The following MTCL1 variants were observed in gnomAD, a reference collection of about 807,000 sequenced individuals.
MTCL1 encodes the protein microtubule cross-linking factor 1.
In MTCL1, 79 loss-of-function variants were observed where a neutral mutation model predicts 141.4. The observed-to-expected ratio is 0.56, with a 90% confidence interval of 0.47 to 0.67. MTCL1 has a LOEUF of 0.67. MTCL1 is among the 30% of genes least tolerant of loss of function. The probability of loss-of-function intolerance (pLI) is 0.00; values close to 1 mark genes in which losing one functional copy is unlikely to be tolerated. For missense variants in MTCL1, 2,177 were observed against 2,113.9 expected, an observed-to-expected ratio of 1.03 and a Z score of -0.59; for synonymous variants, 914 against 875.8, an observed-to-expected ratio of 1.04 and a Z score of -0.77.
intron 10 of MTCL1, among the ~76,000 whole-genome samples, chr18:8,798,550 T>C (rs2076005713): frequency 6.6e-6 from 1 of 152,222 alleles, no homozygotes; most frequent in East Asian, 1.9e-4. Flanking sequence ...GGCAGATCAA[T>C]GCTGCGTGTC....
chr18:8,709,359 A>G (rs1440183311), intron 1 of MTCL1, among the ~76,000 whole-genome samples: 1 of 151,934 alleles, frequency 6.6e-6, no homozygotes, highest in Non-Finnish European at 1.5e-5. Flanking sequence ...AGCTGGGCTA[A>G]TTTTTAAATT....
At chr18:8,751,388 G>T (rs2096370539) in intron 4 of MTCL1, among the ~76,000 whole-genome samples, 1 of 152,176 alleles carries the variant, frequency 6.6e-6, no homozygotes, top group Admixed American at 6.5e-5. Flanking sequence ...CGCGATGCTT[G>T]ATCTGTGCTT....
chr18:8,812,764 A>G (rs930720346), intron 11 of MTCL1: 84 of 545,602 alleles, frequency 1.5e-4, no homozygotes, highest in Admixed American at 2.0e-4. Flanking sequence ...GAAGCTGGCC[A>G]TGGGAAGCTC....
intron 4 of MTCL1, among the ~76,000 whole-genome samples, chr18:8,734,141 A>G (rs2148880547): frequency 6.6e-6 from 1 of 151,838 alleles, no homozygotes; most frequent in Admixed American, 6.6e-5. Flanking sequence ...CGTTGTGGGG[A>G]CTATCCTGTG....
chr18:8,829,260 T>C (rs1332559475), intron 16 of MTCL1: 4 of 985,230 alleles, frequency 4.1e-6, no homozygotes, highest in Non-Finnish European at 4.8e-6. Context: ...GAGAATTGAG[T>C]AGATACTGGC....
At chr18:8,714,639 C>T (rs190036040), upstream of MTCL1, among the ~76,000 whole-genome samples, 1 of 152,246 alleles carries the variant, frequency 6.6e-6, no homozygotes, top group African/African-American at 2.4e-5. Flanking sequence ...GAGACTTACT[C>T]ACTGTCACGA....
chr18:8,724,063 G>C lies in MTCL1; in HGVS notation c.357+3567G>C, dbSNP rs552870968. Reference sequence around the variant, plus strand: ...GGGTGATGAAAATGTTTTAGAGCGAGATAGAGGTGGTGGCTGCACAACACG... The same window carrying C: ...GGGTGATGAAAATGTTTTAGAGCGACATAGAGGTGGTGGCTGCACAACACG... On this transcript the variant is annotated intron_variant, in intron 4 of 16. Transcript: ENST00000359865. 2.6e-5 allele frequency among the ~76,000 whole-genome samples: 4 copies of C among 152,274 alleles called. No individual in the cohort carries two copies. The East Asian group carries it at 7.7e-4, about 29-fold the overall frequency.
Position 8,792,984 on chromosome 18 carries a change from A to C in MTCL1, c.1888-14A>C, listed in dbSNP as rs1430268616. On this transcript the variant is annotated splice_polypyrimidine_tract_variant and intron_variant, in intron 7 of 16. Coordinates refer to ENST00000359865, the Ensembl canonical transcript of MTCL1. ...TCATTTCCACTAAACCCCTTCCTTT[A>C]TCCCACCGATCAGCTCAGGGGCCCC... is the stretch of plus-strand genomic sequence containing the variant. 1.2e-6 allele frequency: 2 copies of C among 1,612,930 alleles called. No individual in the cohort carries two copies. Among genetic ancestry groups the C allele is most frequent in the African/African-American group, 2.7e-5 (2 of 74,864 alleles).
At chr18:8,729,204 G>C (rs1282976506) in intron 4 of MTCL1, among the ~76,000 whole-genome samples, 2 of 127,548 alleles carry the variant, frequency 1.6e-5, no homozygotes, top group Non-Finnish European at 3.2e-5. Flanking sequence ...AGCTAGGCTA[G>C]TGCCACATGC....
chr18:8,716,618 G>A (rs1352025426), upstream of MTCL1, among the ~76,000 whole-genome samples: 1 of 77,484 alleles, frequency 1.3e-5, no homozygotes, highest in Admixed American at 1.7e-4. Context: ...TGGGCACCTT[G>A]TTCTTTATTG....
chr18:8,715,137 G>T, upstream of MTCL1, among the ~76,000 whole-genome samples: 1 of 152,148 alleles, frequency 6.6e-6, no homozygotes, highest in East Asian at 1.9e-4. Flanking sequence ...GTGATTATTT[G>T]TGCCAAAAAA....
intron 4 of MTCL1, among the ~76,000 whole-genome samples, chr18:8,764,320 CTTT>C (rs765641846): frequency 7.0e-6 from 1 of 143,730 alleles, no homozygotes; most frequent in Non-Finnish European, 1.5e-5. Context: ...ACTATTCTCA[CTTT>C]TTTTTTTTTT....
intron 14 of MTCL1, among the ~76,000 whole-genome samples, chr18:8,823,404 G>T (rs187659242): frequency 1.2e-4 from 18 of 152,314 alleles, no homozygotes; most frequent in Admixed American, 6.5e-4. Context: ...ACAGAAATGT[G>T]GAAAGGACCA....
chr18:8,818,414 A>G (rs533072246), intron 12 of MTCL1, among the ~76,000 whole-genome samples: 1 of 152,196 alleles, frequency 6.6e-6, no homozygotes, highest in Non-Finnish European at 1.5e-5. Flanking sequence ...TATCCTCTCA[A>G]ATAAAGTGTA....
intron 4 of MTCL1, among the ~76,000 whole-genome samples, chr18:8,727,909 T>A (rs2148849738): frequency 7.0e-6 from 1 of 141,952 alleles, no homozygotes; most frequent in South Asian, 2.6e-4. Context: ...TCTCTCTCTC[T>A]CTTTCTTTGA....
chr18:8,718,098 G>C (rs1181564410), intron 2 of MTCL1: 1 of 679,540 alleles, frequency 1.5e-6, no homozygotes, highest in African/African-American at 1.8e-5. Flanking sequence ...TGTTTGGTTT[G>C]AATTGAAAGG....
chr18:8,767,266 G>A (rs879584111), intron 4 of MTCL1, among the ~76,000 whole-genome samples: 4 of 152,244 alleles, frequency 2.6e-5, no homozygotes, highest in Non-Finnish European at 5.9e-5. Flanking sequence ...AGGGGCATCA[G>A]TAGCTTTTGT....
intron 7 of MTCL1, among the ~76,000 whole-genome samples, chr18:8,791,905 A>G (rs1226820993): frequency 6.6e-6 from 1 of 151,032 alleles, no homozygotes; most frequent in Non-Finnish European, 1.5e-5. Flanking sequence ...CCAGTGTCTG[A>G]TTTTCTGTCT....
At chr18:8,797,067 G>T (rs2075951052) in intron 9 of MTCL1, among the ~76,000 whole-genome samples, 1 of 152,186 alleles carries the variant, frequency 6.6e-6, no homozygotes, top group East Asian at 1.9e-4. Context: ...AGTGTTAAGA[G>T]TGCCCTGGTC....
Sources: gnomAD v4.1 joint callset for allele counts (sites outside exome capture counted in the v4.1 genomes callset) on GRCh38, gnomAD v4.1.1 for gene constraint, MANE v1.5 for transcripts, NCBI Gene and HGNC (gene_info 2026-07-23, HGNC 2026-07-21) for gene names.